The following F13A1 variants were observed in gnomAD, a reference collection of about 807,000 sequenced individuals.
The protein encoded by F13A1 is coagulation factor XIII A chain.
F13A1 carries 47 observed loss-of-function variants against 80.1 expected under a neutral mutation model. The observed-to-expected ratio is 0.59, with a 90% CI of 0.46 to 0.75. The LOEUF is 0.75. Among genes scored for constraint, F13A1 ranks in the 30% least tolerant of loss-of-function variants. The pLI, the probability that F13A1 is intolerant of heterozygous loss-of-function variation, is 0.00. For missense variants in F13A1, 817 were observed against 930.4 expected (o/e 0.88, Z 1.59); for synonymous variants, 349 against 344.9 (o/e 1.01, Z -0.13).
chr6:6,187,754 G>T (rs1346275769), intron 10 of F13A1, among the ~76,000 whole-genome samples: 2 of 105,810 alleles, frequency 1.9e-5, no homozygotes, highest in Non-Finnish European at 4.0e-5. Context: ...AGTTAGGGAG[G>T]ATTCCCTCTT....
chr6:6,319,011 A>G (rs1758730422), intron 1 of F13A1, among the ~76,000 whole-genome samples: 1 of 152,238 alleles, frequency 6.6e-6, no homozygotes, highest in Admixed American at 6.5e-5. Flanking sequence ...CTACAGCAGC[A>G]TCTTCGCAAG....
At chr6:6,246,847 G>T (rs1482397461) in intron 6 of F13A1, among the ~76,000 whole-genome samples, 1 of 152,146 alleles carries the variant, frequency 6.6e-6, no homozygotes, top group Non-Finnish European at 1.5e-5. Flanking sequence ...TGCTTAAGAA[G>T]GAATTAATTT....
Position 6,266,684 on chromosome 6 carries a change from A to G in F13A1, c.445T>C (p.Ser149Pro), listed in dbSNP as rs943831552. ...TTCCCCACAATACATTTGGGGGAAG[A>G]CTGGATGGACAGCCGCACAGACCTG... ...EDRSVRLSIQ[S>P]SPKCIVGKFR... The change falls in exon 4 of 15, where the codon TCT becomes CCT. Residue 149 changes from serine to proline, a missense_variant. Transcript: ENST00000264870. 5 of 1,614,114 alleles carry G rather than the reference A, an allele frequency of 3.1e-6. No individual in the cohort carries two copies. The highest frequency in any genetic ancestry group is 1.3e-5 in the African/African-American group (1 of 74,938).
chr6:6,191,051 C>G (rs1003797616), intron 10 of F13A1, among the ~76,000 whole-genome samples: 5 of 152,254 alleles, frequency 3.3e-5, no homozygotes, highest in Admixed American at 3.3e-4. Context: ...CTTGTGCTTC[C>G]CGAGTGAGGC....
At chr6:6,224,983 T>C (rs1757255230) in intron 6 of F13A1, 123 bp from the exon 7 acceptor site, 1 of 1,019,480 alleles carries the variant, frequency 9.8e-7, no homozygotes, top group Admixed American at 1.9e-5. Context: ...TGAAAAGAGT[T>C]CCACTTCTGT....
At chr6:6,266,077 T>G (rs1757839601) in intron 4 of F13A1, among the ~76,000 whole-genome samples, 1 of 152,248 alleles carries the variant, frequency 6.6e-6, no homozygotes, top group African/African-American at 2.4e-5. Context: ...CAGCATTGAC[T>G]TCACATATAG....
At chr6:6,224,571 A>G in intron 7 of F13A1, 115 bp downstream of exon 7, 1 of 974,188 alleles carries the variant, frequency 1.0e-6, no homozygotes, top group Non-Finnish European at 1.6e-6. Context: ...TGGCTCACCC[A>G]TAAATTCTAT....
chr6:6,194,584 A>T (rs1761256890), intron 10 of F13A1, among the ~76,000 whole-genome samples: 1 of 152,024 alleles, frequency 6.6e-6, no homozygotes, highest in Non-Finnish European at 1.5e-5. Flanking sequence ...ATCCTGCTTC[A>T]GTTCTTGGCC....
intron 9 of F13A1, 109 bp from the exon 10 acceptor site, chr6:6,195,994 C>T: frequency 9.8e-7 from 1 of 1,017,440 alleles, no homozygotes. Context: ...GTGTTCCCAA[C>T]TTCATTGCTG....
chr6:6,192,894 G>C (rs1202974842), intron 10 of F13A1, among the ~76,000 whole-genome samples: 2 of 152,154 alleles, frequency 1.3e-5, no homozygotes, highest in Non-Finnish European at 2.9e-5. Context: ...ACAGAAGAGA[G>C]TTATCTTTGG....
At chr6:6,167,304 C>G (rs141911243) in intron 13 of F13A1, among the ~76,000 whole-genome samples, 154 bp downstream of exon 13, 1 of 147,268 alleles carries the variant, frequency 6.8e-6, no homozygotes, top group Non-Finnish European at 1.5e-5. Flanking sequence ...TTTCAAAGAA[C>G]AAGAGGATCC....
rs1760599040 is a variant in F13A1, at chr6:6,162,893, C to T, written c.1908+4565G>A. Among the ~76,000 whole-genome samples the T allele has an allele frequency of 6.6e-6, 1 of 152,230 alleles. No individual in the cohort carries two copies. Among genetic ancestry groups the T allele is most frequent in the African/African-American group, 2.4e-5 (1 of 41,456 alleles). ...AGCCCATGTTCTGACCACTGTGCTACAAGGCACTGCCTTCTCTGGTCCTCT... is the reference window on the plus strand; with the variant it reads ...AGCCCATGTTCTGACCACTGTGCTATAAGGCACTGCCTTCTCTGGTCCTCT... On this transcript the variant is annotated intron_variant, in intron 13 of 14. Coordinates refer to ENST00000264870, the MANE Select transcript of F13A1 (RefSeq NM_000129.4). The surrounding 1 kb of genome is among the most constrained non-coding windows in gnomAD (Gnocchi z 4.2).
In F13A1 at chr6:6,266,771, C is replaced by T. The variant is rs774094090; in HGVS notation, c.358G>A (p.Val120Met). Residue 120 changes from valine to methionine, a missense_variant, in exon 4 of 15, where the codon GTG (valine) becomes ATG (methionine). Val to Met is a conservative substitution (Grantham distance 21). Transcript: ENST00000264870. ...PQENKGTYIPVPIVSELQSGK... is the reference protein window; with the variant it reads ...PQENKGTYIPMPIVSELQSGK... The stretch of plus-strand genomic sequence containing the variant: ...CTTTGTAACTCTGAGACTATAGGCA[C>T]TGGGATGTAGGTTCCCTTGTTCTCC... 1.2e-6 allele frequency: 2 copies of T among 1,614,188 alleles called. No homozygotes were observed. The highest frequency in any genetic ancestry group is 1.3e-5 in the African/African-American group (1 of 75,044).
intron 11 of F13A1, among the ~76,000 whole-genome samples, chr6:6,181,132 G>A (rs1419873573): frequency 6.6e-6 from 1 of 152,122 alleles, no homozygotes; most frequent in Non-Finnish European, 1.5e-5. Context: ...GCTGCTGCAC[G>A]CCCTGTAACT....
intron 8 of F13A1, among the ~76,000 whole-genome samples, chr6:6,212,716 C>A (rs1000939363): frequency 6.6e-6 from 1 of 152,144 alleles, no homozygotes; most frequent in East Asian, 1.9e-4. Context: ...AGGCTTCAGA[C>A]AATCAAATTG....
chr6:6,274,107 G>C (rs1757956222), intron 3 of F13A1, among the ~76,000 whole-genome samples: 1 of 152,128 alleles, frequency 6.6e-6, no homozygotes. Flanking sequence ...GTTTATTCTA[G>C]CTCAGGCAAA....
intron 3 of F13A1, among the ~76,000 whole-genome samples, chr6:6,268,288 T>G (rs1449617701): frequency 1.3e-5 from 2 of 152,194 alleles, no homozygotes; most frequent in African/African-American, 4.8e-5. Flanking sequence ...TATTACCCCT[T>G]TATTCCCTAT....
rs1760251540 is a variant in F13A1, at chr6:6,144,956, C to T, written c.*663G>A. On this transcript the variant is annotated 3_prime_UTR_variant, in exon 15 of 15. Transcript: ENST00000264870. ...TTATTCAATAGACTTGAGTGTTGCACCTGCTTTCTTATCTCCTTGTAGGTG... is the reference window on the plus strand; with the variant it reads ...TTATTCAATAGACTTGAGTGTTGCATCTGCTTTCTTATCTCCTTGTAGGTG... 1 of 155,688 alleles carries T rather than the reference C, an allele frequency of 6.4e-6. No individual in the cohort carries two copies. The highest frequency in any genetic ancestry group is 1.9e-4 in the East Asian group (1 of 5,234). 9.6% of individuals were successfully genotyped at this position (155,688 alleles called of 1,614,324 possible).
At chr6:6,176,907 G>A (rs1301837722) in intron 11 of F13A1, among the ~76,000 whole-genome samples, 2 of 152,216 alleles carry the variant, frequency 1.3e-5, no homozygotes, top group African/African-American at 4.8e-5. Flanking sequence ...TGCCATGGGT[G>A]CAGGAACCTG....
Sources: allele counts gnomAD v4.1 joint callset (sites outside exome capture counted in the v4.1 genomes callset), GRCh38; gene constraint gnomAD v4.1.1; non-coding constraint Gnocchi (gnomAD v3.1); transcripts MANE v1.5; gene names NCBI Gene and HGNC (gene_info 2026-07-23, HGNC 2026-07-21).